The following C8orf74 variants were observed in gnomAD, a reference collection of about 807,000 sequenced individuals.
C8orf74 encodes uncharacterized protein C8orf74.
Under a neutral mutation model 22.2 loss-of-function variants are expected in C8orf74, and 29 were observed. That is an observed-to-expected ratio of 1.31 (90% CI 0.97 to 1.78). The LOEUF (loss-of-function observed/expected upper bound fraction) is 1.78, where lower values mean the gene tolerates loss of function less well. C8orf74 is among the 40% of genes most tolerant of loss of function. C8orf74 has a pLI of 0.00. For missense variants in C8orf74, 515 were observed against 369.9 expected (o/e 1.39, Z -3.22); for synonymous variants, 255 against 163.1 (o/e 1.56, Z -4.30).
At chr8:10,683,090 T>A (rs796881851) in intron 2 of C8orf74, among the ~76,000 whole-genome samples, 60 of 152,324 alleles carry the variant, frequency 3.9e-4, no homozygotes, top group African/African-American at 1.3e-3. Context: ...CAGGAAGGCC[T>A]GAGAAGCAGG....
In C8orf74 at chr8:10,690,922, A is replaced by G. The variant is rs915647506; in HGVS notation, c.242-6677A>G. 6 of 456,016 alleles carry G rather than the reference A, an allele frequency of 1.3e-5. 1 individual carries two copies. The highest frequency in any genetic ancestry group is 7.0e-5 in the Admixed American group (3 of 42,558). The allele number at this position is 456,016 out of a possible 1,614,324, so 28.2% of individuals were successfully genotyped here. ...ATCTTCAGGAAGTTCCCAGCAGCCA[A>G]TGCAAATGAGGGCCACTCCCTGTTA... On this transcript the variant is annotated intron_variant, in intron 2 of 3. Coordinates refer to ENST00000304519, the MANE Select transcript of C8orf74 (RefSeq NM_001040032.2).
chr8:10,678,932 T>G (rs1799090007), intron 2 of C8orf74, among the ~76,000 whole-genome samples: 1 of 152,136 alleles, frequency 6.6e-6, no homozygotes, highest in African/African-American at 2.4e-5. Context: ...ACAGGGACAC[T>G]CGTGAGAGCG....
chr8:10,694,726 A>G (rs1799452485), intron 2 of C8orf74, among the ~76,000 whole-genome samples: 1 of 152,210 alleles, frequency 6.6e-6, no homozygotes, highest in South Asian at 2.1e-4. Context: ...GGCATAGTGA[A>G]TTGGGTTCCC....
At chr8:10,683,291 G>T (rs1799191087) in intron 2 of C8orf74, among the ~76,000 whole-genome samples, 1 of 152,234 alleles carries the variant, frequency 6.6e-6, no homozygotes, top group African/African-American at 2.4e-5. Flanking sequence ...TACCTGGCAG[G>T]GTGAGTTGTG....
At chr8:10,694,030 G>A (rs1033514008) in intron 2 of C8orf74, among the ~76,000 whole-genome samples, 1 of 152,204 alleles carries the variant, frequency 6.6e-6, no homozygotes, top group Non-Finnish European at 1.5e-5. Context: ...GGGCTGTGAA[G>A]TGGCCCCACC....
intron 3 of C8orf74, among the ~76,000 whole-genome samples, chr8:10,698,781 G>A (rs972027469): frequency 1.3e-5 from 2 of 151,958 alleles, no homozygotes; most frequent in Admixed American, 6.5e-5. Flanking sequence ...ATGTGCCTGT[G>A]TTTCAGGCAT....
At chr8:10,687,176 G>A (rs1313312387) in intron 2 of C8orf74, 1 of 455,080 alleles carries the variant, frequency 2.2e-6, no homozygotes. Flanking sequence ...TACTTATTGA[G>A]TGTTTACTGT....
chr8:10,700,384 G>A lies in C8orf74; in HGVS notation c.798G>A (p.Pro266=), dbSNP rs369494449. 89 of 646,772 alleles carry A rather than the reference G, an allele frequency of 1.4e-4. No individual in the cohort carries two copies. The highest frequency in any genetic ancestry group is 4.2e-4 in the Admixed American group (18 of 42,682). 40.1% of individuals were successfully genotyped at this position (646,772 alleles called of 1,614,324 possible). A position where few individuals can be genotyped will look rare whatever the true frequency, so the allele number is the denominator to read the frequency against. Residue 266 remains proline, a synonymous_variant, in exon 4 of 4, where the codon CCG becomes CCA. Coordinates refer to ENST00000304519, the MANE Select transcript of C8orf74 (RefSeq NM_001040032.2). ...TLNLNAPTPI[P]PPITSHAGQE... ...ACCTCAACGCCCCCACCCCTATCCCGCCCCCCATCACCAGCCACGCAGGCC... is the reference window on the plus strand; with the variant it reads ...ACCTCAACGCCCCCACCCCTATCCCACCCCCCATCACCAGCCACGCAGGCC...
At chr8:10,687,833 T>C (rs575336324) in intron 2 of C8orf74, among the ~76,000 whole-genome samples, 4 of 152,254 alleles carry the variant, frequency 2.6e-5, no homozygotes, top group African/African-American at 7.2e-5. Flanking sequence ...ATGCATAAAT[T>C]ATAAATCTTC....
chr8:10,687,198 T>C (rs761452999), intron 2 of C8orf74: 11 of 439,776 alleles, frequency 2.5e-5, no homozygotes, highest in Non-Finnish European at 4.6e-5. Context: ...TACCAGGCAC[T>C]GTGGAAAGCA....
intron 2 of C8orf74, among the ~76,000 whole-genome samples, chr8:10,690,595 G>A (rs1384904771): frequency 6.6e-6 from 1 of 152,090 alleles, no homozygotes; most frequent in Non-Finnish European, 1.5e-5. Flanking sequence ...GAACCAAACT[G>A]GTTTATCGGG....
chr8:10,687,218 C>T (rs1799279644), intron 2 of C8orf74: 1 of 421,850 alleles, frequency 2.4e-6, no homozygotes, highest in African/African-American at 2.0e-5. Context: ...ACCACATATG[C>T]ATGCTGTCGC....
At chr8:10,674,616 A>G in intron 1 of C8orf74, 30 bp from the exon 2 acceptor site, 3 of 1,549,140 alleles carry the variant, frequency 1.9e-6, no homozygotes, top group Non-Finnish European at 2.6e-6. Flanking sequence ...CCCACATCAT[A>G]CCCTGCAGTT....
At chr8:10,678,316 T>C (rs6601501) in intron 2 of C8orf74, among the ~76,000 whole-genome samples, 105,970 of 152,182 alleles carry the variant, frequency 0.7, 39,336 homozygotes, top group East Asian at 0.94. Flanking sequence ...AATGAGGCTG[T>C]GCCTTAAAGC....
intron 2 of C8orf74, chr8:10,691,721 A>C (rs1799385770): frequency 6.6e-6 from 1 of 152,342 alleles, no homozygotes; most frequent in Admixed American, 6.5e-5. Flanking sequence ...GTCTGGCCTC[A>C]GTACCTCTCC....
chr8:10,692,596 T>G (rs1282757278), intron 2 of C8orf74: 1 of 152,190 alleles, frequency 6.6e-6, no homozygotes, highest in Non-Finnish European at 1.5e-5. Flanking sequence ...AGCCTTGACC[T>G]CCTGGGCTCA....
rs771161813 is a variant in C8orf74, at chr8:10,672,690, G to C, written c.25G>C (p.Val9Leu). 8.3e-6 allele frequency: 13 copies of C among 1,565,460 alleles called. No individual in the cohort carries two copies. Among genetic ancestry groups the C allele is most frequent in the Non-Finnish European group, 1.0e-5 (12 of 1,154,700 alleles). Reference sequence around the variant, plus strand: ...CATGGCACTCTTAACACCCCAGGGAGTGAAAGAAGTCTTCCAACTTCAGGT... The same window carrying C: ...CATGGCACTCTTAACACCCCAGGGACTGAAAGAAGTCTTCCAACTTCAGGT... The part of the protein sequence containing the change: MALLTPQG[V>L]KEVFQLQRPQ... Residue 9 changes from valine to leucine, a missense_variant, in exon 1 of 4, where the codon GTG (valine) becomes CTG (leucine). By Grantham distance (32) the Val-to-Leu change is conservative. Coordinates refer to ENST00000304519, the MANE Select transcript of C8orf74 (RefSeq NM_001040032.2).
intron 2 of C8orf74, among the ~76,000 whole-genome samples, chr8:10,687,458 T>C (rs1424338000): frequency 2.0e-5 from 3 of 151,960 alleles, no homozygotes; most frequent in Non-Finnish European, 2.9e-5. Context: ...AAGACCAGCC[T>C]GACCAACATG....
chr8:10,697,736 T>C lies in C8orf74; in HGVS notation c.379T>C (p.Tyr127His). The C allele has an allele frequency of 6.2e-7, 1 of 1,613,992 alleles. No homozygotes were observed. The highest frequency in any genetic ancestry group is 2.2e-5 in the East Asian group (1 of 44,864). The change falls in exon 3 of 4, where the codon TAT becomes CAT. Residue 127 changes from tyrosine (Y) to histidine (H), a missense_variant. By Grantham distance (83) the Tyr-to-His change is moderately conservative. Transcript: ENST00000304519. ...TFIRHYKLYQYVLGQDQQVDL... is the reference protein window; with the variant it reads ...TFIRHYKLYQHVLGQDQQVDL... ...CATCCGCCACTACAAACTCTACCAG[T>C]ATGTCCTGGGCCAGGACCAGCAGGT...
Sources: gnomAD v4.1 joint callset for allele counts (sites outside exome capture counted in the v4.1 genomes callset) on GRCh38, gnomAD v4.1.1 for gene constraint, MANE v1.5 for transcripts, NCBI Gene and HGNC (gene_info 2026-07-23, HGNC 2026-07-21) for gene names.